The following SMC5 variants were observed in gnomAD, a reference collection of about 807,000 sequenced individuals.
SMC5 encodes the protein structural maintenance of chromosomes 5, also known as structural maintenance of chromosomes protein 5.
A neutral mutation model predicts 148.3 loss-of-function variants in SMC5; 88 were observed. The observed-to-expected ratio is 0.59, with a 90% CI of 0.50 to 0.71. The LOEUF is 0.71. Ranked by LOEUF, SMC5 falls within the 30% of genes least tolerant of loss-of-function variation. SMC5 has a pLI of 0.00. For missense variants in SMC5, 1,142 were observed against 1,298.9 expected (o/e 0.88, Z 1.86); for synonymous variants, 421 against 432.8 (o/e 0.97, Z 0.34).
At chr9:70,293,287 T>A (rs1486934432) in intron 8 of SMC5, among the ~76,000 whole-genome samples, 1 of 152,148 alleles carries the variant, frequency 6.6e-6, no homozygotes, top group Non-Finnish European at 1.5e-5. Context: ...GTATAGAATC[T>A]GCAGTGATAA....
intron 3 of SMC5, 143 bp downstream of exon 3, chr9:70,268,118 A>G (rs2034342807): frequency 1.6e-6 from 1 of 641,512 alleles, no homozygotes; most frequent in South Asian, 2.9e-5. Context: ...CTTAATCCAG[A>G]TAAGTAAGGG....
chr9:70,319,151 A>G (rs987582651), intron 15 of SMC5, among the ~76,000 whole-genome samples, 188 bp downstream of exon 15: 23 of 152,328 alleles, frequency 1.5e-4, no homozygotes, highest in East Asian at 1.4e-3. Flanking sequence ...GAGTGTTGCA[A>G]GTTCTTCTGT....
Position 70,293,246 on chromosome 9 carries a change from T to C in SMC5, c.1054-4720T>C, listed in dbSNP as rs150824846. ...CCTTTTGTCCAAGTTGTCAAATTTA[T>C]GTATGCATAAATTCTCTTATCCTTT... On this transcript the variant is annotated intron_variant, in intron 8 of 24. Coordinates refer to ENST00000361138, the MANE Select transcript of SMC5 (RefSeq NM_015110.4). Among the ~76,000 whole-genome samples, 105 of 152,290 alleles carry C rather than the reference T, an allele frequency of 6.9e-4. No homozygotes were observed. The Middle Eastern group carries it at 0.014, about 20-fold the overall frequency.
In SMC5 at chr9:70,277,350, G is replaced by T; in HGVS notation, c.421G>T (p.Asp141Tyr). 1.2e-6 allele frequency: 2 copies of T among 1,601,654 alleles called. No homozygotes were observed. Among genetic ancestry groups the T allele is most frequent in the Non-Finnish European group, 1.7e-6 (2 of 1,174,060 alleles). The change falls in exon 4 of 25, where the codon GAT becomes TAT. Residue 141 changes from aspartate (D) to tyrosine (Y), a missense_variant. Around this residue, in one of 5 missense-constraint regions of SMC5, gnomAD observed 297 missense variants for 302.6 expected, o/e 0.98. Coordinates refer to ENST00000361138, the MANE Select transcript of SMC5 (RefSeq NM_015110.4). ...AAATCTTGTAATCACCCGTGAGATT[G>T]ATGTGGCAAAAAATCAGTCCTTTTG... ...SGNLVITREIDVAKNQSFWFI... is the reference protein window; with the variant it reads ...SGNLVITREIYVAKNQSFWFI...
rs2036839664 is a variant in SMC5 at position 70,353,080 on chromosome 9, G to A, written c.*749G>A. 1 of 151,814 alleles carries A rather than the reference G, an allele frequency of 6.6e-6. No homozygotes were observed. The highest frequency in any genetic ancestry group is 1.5e-5 in the Non-Finnish European group (1 of 67,962). The allele number at this position is 151,814 out of a possible 1,614,324, so 9.4% of individuals were successfully genotyped here. On this transcript the variant is annotated 3_prime_UTR_variant, in exon 25 of 25. Transcript: ENST00000361138. Reference sequence around the variant, plus strand: ...TTTAAAGAATAACCTTTTAAAGTGTGGGGGCAGGGGTTGCTTTTTTTTATT... The same window carrying A: ...TTTAAAGAATAACCTTTTAAAGTGTAGGGGCAGGGGTTGCTTTTTTTTATT...
At chr9:70,319,970 T>C (rs1175797159) in intron 15 of SMC5, among the ~76,000 whole-genome samples, 1 of 152,216 alleles carries the variant, frequency 6.6e-6, no homozygotes, top group Non-Finnish European at 1.5e-5. Flanking sequence ...ACTTTATCAT[T>C]GGCAACAAAT....
intron 11 of SMC5, among the ~76,000 whole-genome samples, chr9:70,308,917 C>T (rs939252363): frequency 2.0e-5 from 3 of 152,108 alleles, no homozygotes; most frequent in East Asian, 3.9e-4. Context: ...AGAAATATAA[C>T]AGATTTATAA....
At chr9:70,306,538 C>T (rs1270095529) in intron 11 of SMC5, among the ~76,000 whole-genome samples, 1 of 152,208 alleles carries the variant, frequency 6.6e-6, no homozygotes, top group Non-Finnish European at 1.5e-5. Context: ...GATGAAAGAG[C>T]TCAGTGGAGA....
At chr9:70,318,382 T>C in intron 13 of SMC5, 132 bp from the exon 14 acceptor site, 1 of 696,310 alleles carries the variant, frequency 1.4e-6, no homozygotes, top group South Asian at 2.6e-5. Context: ...AGTGAGACCC[T>C]GTCTAAAAAA....
At chr9:70,320,330 G>T (rs1278858869) in intron 15 of SMC5, among the ~76,000 whole-genome samples, 1 of 152,112 alleles carries the variant, frequency 6.6e-6, no homozygotes, top group Non-Finnish European at 1.5e-5. Flanking sequence ...AGGCCAAGGC[G>T]GAAGGATCAC....
chr9:70,282,813 A>AT (rs956449561), intron 7 of SMC5, among the ~76,000 whole-genome samples: 3 of 151,934 alleles, frequency 2.0e-5, no homozygotes, highest in African/African-American at 2.4e-5. Context: ...GTGAAATATG[A>AT]TTTTTTTTAG....
At chr9:70,331,518 G>T (rs2036219916) in intron 17 of SMC5, among the ~76,000 whole-genome samples, 1 of 150,022 alleles carries the variant, frequency 6.7e-6, no homozygotes. Context: ...TTTTTTTTAA[G>T]CCTTTATCTT....
chr9:70,272,898 G>C (rs1302618594), intron 3 of SMC5, among the ~76,000 whole-genome samples: 4 of 152,182 alleles, frequency 2.6e-5, no homozygotes, highest in Non-Finnish European at 5.9e-5. Flanking sequence ...GATAGGTCAA[G>C]TAAATTGAGA....
chr9:70,347,517 T>A, intron 20 of SMC5, 96 bp from the exon 21 acceptor site: 1 of 643,664 alleles, frequency 1.6e-6, no homozygotes, highest in East Asian at 3.0e-5. Flanking sequence ...GCAGCACAAT[T>A]GGCATTTTCA....
chr9:70,332,314 G>A lies in SMC5; in HGVS notation c.2397+8171G>A, dbSNP rs190521484. Reference sequence around the variant, plus strand: ...GGCAGGTGGAGCCCTTGAGTCAGGAGTTCAAGACCAGTCTGGGCAACGTGG... The same window carrying A: ...GGCAGGTGGAGCCCTTGAGTCAGGAATTCAAGACCAGTCTGGGCAACGTGG... On this transcript the variant is annotated intron_variant, in intron 17 of 24. Transcript: ENST00000361138. Among the ~76,000 whole-genome samples the A allele has an allele frequency of 3.3e-5, 5 of 152,082 alleles. No individual in the cohort carries two copies. The East Asian group carries it at 5.8e-4, about 18-fold the overall frequency.
intron 10 of SMC5, among the ~76,000 whole-genome samples, chr9:70,304,251 A>G (rs534266569): frequency 6.6e-6 from 1 of 152,052 alleles, no homozygotes; most frequent in Admixed American, 6.6e-5. Flanking sequence ...TTTTATTATT[A>G]TTATTATTGT....
In SMC5 at chr9:70,353,800, G is replaced by A. The variant is rs2036852299; in HGVS notation, c.*1469G>A. The A allele has an allele frequency of 6.6e-6, 1 of 152,188 alleles. No individual in the cohort carries two copies. The highest frequency in any genetic ancestry group is 6.5e-5 in the Admixed American group (1 of 15,284). The allele number at this position is 152,188 out of a possible 1,614,324, so 9.4% of individuals were successfully genotyped here. Reference sequence around the variant, plus strand: ...ATGACATTTTTACTAATATGAGCAAGTCATGTAAACATTGAAGAACTTGGT... The same window carrying A: ...ATGACATTTTTACTAATATGAGCAAATCATGTAAACATTGAAGAACTTGGT... On this transcript the variant is annotated 3_prime_UTR_variant, in exon 25 of 25. Transcript: ENST00000361138.
chr9:70,285,294 A>C lies in SMC5; in HGVS notation c.982-906A>C, dbSNP rs75639333. 2.2e-3 allele frequency among the ~76,000 whole-genome samples: 336 copies of C among 152,290 alleles called. 9 individuals carry two copies. The East Asian group carries it at 0.055, about 25-fold the overall frequency. ...ACAAAGTCTAGAAGAAACCAGGCAC[A>C]AGCTTCCAAGGGTCCTCCCCCAGAG... On this transcript the variant is annotated intron_variant, in intron 7 of 24. Coordinates refer to ENST00000361138, the MANE Select transcript of SMC5 (RefSeq NM_015110.4).
chr9:70,344,810 C>T (rs1449638440), intron 18 of SMC5: 1 of 152,006 alleles, frequency 6.6e-6, no homozygotes, highest in Non-Finnish European at 1.5e-5. Context: ...GGGGATGATA[C>T]TTTGCCTAGA....
Sources: allele counts gnomAD v4.1 joint callset (sites outside exome capture counted in the v4.1 genomes callset), GRCh38; gene constraint gnomAD v4.1.1; regional missense constraint gnomAD v4.1.1; transcripts MANE v1.5; gene names NCBI Gene and HGNC (gene_info 2026-07-23, HGNC 2026-07-21).